Variants in CSMD1 observed in about 807,000 individuals in gnomAD.
CSMD1 encodes the protein CUB and Sushi multiple domains 1.
CSMD1 carries 213 observed loss-of-function variants against 417.5 expected under a neutral mutation model. That is an observed-to-expected ratio of 0.51 (90% CI 0.46 to 0.57). CSMD1 has a LOEUF of 0.57. Ranked by LOEUF, CSMD1 falls within the 20% of genes least tolerant of loss-of-function variation. The pLI is 0.00. For missense variants in CSMD1, 6,923 were observed against 4,529.7 expected (o/e 1.53, Z -15.17); for synonymous variants, 2,862 against 1,736.8 (o/e 1.65, Z -16.11).
chr8:3,943,439 G>C (rs1430446999), intron 5 of CSMD1, among the ~76,000 whole-genome samples: 1 of 101,154 alleles, frequency 9.9e-6, no homozygotes, highest in Non-Finnish European at 2.1e-5. Flanking sequence ...AAAAAAAACA[G>C]AATTCCAGCA....
intron 49 of CSMD1, among the ~76,000 whole-genome samples, chr8:3,060,151 C>CTTTTTT (rs34354746): frequency 7.1e-6 from 1 of 140,080 alleles, no homozygotes; most frequent in Non-Finnish European, 1.5e-5. Context: ...TTACTAACAA[C>CTTTTTT]TTTTTTTTTT....
rs543748565 is a variant in CSMD1 at position 4,814,276 on chromosome 8, G to T, written c.86-176718C>A. On this transcript the variant is annotated intron_variant, in intron 1 of 69. Coordinates refer to ENST00000635120, the MANE Select transcript of CSMD1 (RefSeq NM_033225.6). ...TGTGTGTGGTGGGGGATGGAGATTC[G>T]CTCTTAATGGCCAGGCTGGAGCGCA... Among the ~76,000 whole-genome samples, 129 of 152,014 alleles carry T rather than the reference G, an allele frequency of 8.5e-4. 1 individual carries two copies. The highest frequency in any genetic ancestry group is 2.1e-4 in the Non-Finnish European group (14 of 67,984).
At chr8:4,062,445 G>T (rs1585231805) in intron 3 of CSMD1, among the ~76,000 whole-genome samples, 1 of 152,064 alleles carries the variant, frequency 6.6e-6, no homozygotes, top group African/African-American at 2.4e-5. Flanking sequence ...AAGAATCTCA[G>T]ATATCTGACA....
chr8:4,904,513 C>A (rs533106100), intron 1 of CSMD1, among the ~76,000 whole-genome samples: 82 of 152,104 alleles, frequency 5.4e-4, no homozygotes, highest in Non-Finnish European at 9.1e-4. Context: ...GAGCCTACTA[C>A]CCTTTCCAGG....
At chr8:4,944,959 G>A (rs550724750) in intron 1 of CSMD1, among the ~76,000 whole-genome samples, 1 of 152,200 alleles carries the variant, frequency 6.6e-6, no homozygotes, top group African/African-American at 2.4e-5. Flanking sequence ...ATGTCCACGT[G>A]TGTATCAGAG....
intron 2 of CSMD1, among the ~76,000 whole-genome samples, chr8:4,497,938 A>G (rs1297756430): frequency 2.6e-5 from 4 of 152,168 alleles, no homozygotes; most frequent in African/African-American, 9.7e-5. Context: ...CAGACCTGCA[A>G]CTGCCCGTGG....
At chr8:4,662,084 G>A (rs1804642931) in intron 1 of CSMD1, among the ~76,000 whole-genome samples, 1 of 151,944 alleles carries the variant, frequency 6.6e-6, no homozygotes, top group South Asian at 2.1e-4. Flanking sequence ...TAAAAATTTG[G>A]GACTAGAGAA....
At chr8:3,138,584 T>A (rs945442023) in intron 41 of CSMD1, among the ~76,000 whole-genome samples, 2 of 152,142 alleles carry the variant, frequency 1.3e-5, no homozygotes, top group African/African-American at 2.4e-5. Context: ...CTGGTCGGAG[T>A]ACTCAGACAT....
intron 3 of CSMD1, among the ~76,000 whole-genome samples, chr8:4,371,047 A>C (rs777433595): frequency 1.3e-5 from 2 of 151,302 alleles, no homozygotes; most frequent in Non-Finnish European, 3.0e-5. Flanking sequence ...TCTTTTGTGA[A>C]GGCTAATCAT....
intron 5 of CSMD1, among the ~76,000 whole-genome samples, chr8:3,814,446 G>T (rs749576056): frequency 6.6e-6 from 1 of 152,146 alleles, no homozygotes; most frequent in Non-Finnish European, 1.5e-5. Flanking sequence ...TGACAGAATT[G>T]TCATGAAATA....
intron 28 of CSMD1, among the ~76,000 whole-genome samples, chr8:3,221,307 C>G (rs1319575532): frequency 2.6e-5 from 4 of 152,158 alleles, no homozygotes; most frequent in East Asian, 1.9e-4. Context: ...GACAAGTTCA[C>G]TGACGTCAGG....
intron 62 of CSMD1, among the ~76,000 whole-genome samples, chr8:2,959,038 G>C (rs1005899828): frequency 1.4e-4 from 21 of 152,184 alleles, no homozygotes; most frequent in African/African-American, 5.1e-4. Flanking sequence ...CAAATCAATA[G>C]CTAATTTAAG....
In CSMD1 at chr8:3,230,159, G is replaced by T. The variant is rs1161472278; in HGVS notation, c.4226C>A (p.Ala1409Asp). 1 of 1,613,648 alleles carries T rather than the reference G, an allele frequency of 6.2e-7. No individual in the cohort carries two copies. The highest frequency in any genetic ancestry group is 8.5e-7 in the Non-Finnish European group (1 of 1,179,742). Residue 1409 changes from alanine to aspartate, a missense_variant, in exon 27 of 70, where the codon GCT becomes GAT. Physicochemically the swap from Ala to Asp is moderately radical, Grantham distance 126. Transcript: ENST00000635120. ...ACACTGGAATGTGACGGTGTCTCCA[G>T]CCTCTCTGCTGTCTCCATAGCGGGT... ...NGTRYGDSRE[A>D]GDTVTFQCDP... is the part of the protein sequence containing the mutation.
At chr8:4,018,491 G>A (rs1375074116) in intron 4 of CSMD1, among the ~76,000 whole-genome samples, 1 of 152,150 alleles carries the variant, frequency 6.6e-6, no homozygotes, top group Non-Finnish European at 1.5e-5. Flanking sequence ...AGCAGGTGGA[G>A]GAAGGGGAGG....
At chr8:4,389,590 C>T (rs940634926) in intron 3 of CSMD1, among the ~76,000 whole-genome samples, 1 of 152,094 alleles carries the variant, frequency 6.6e-6, no homozygotes, top group Non-Finnish European at 1.5e-5. Flanking sequence ...AGAAATAAAA[C>T]ATTTCAAGTG....
chr8:4,229,260 G>A (rs1202395440), intron 3 of CSMD1, among the ~76,000 whole-genome samples: 1 of 152,184 alleles, frequency 6.6e-6, no homozygotes, highest in Non-Finnish European at 1.5e-5. Context: ...ACGCTGAGAT[G>A]CTGAGCAATC....
chr8:4,371,446 A>G (rs1045706306), intron 3 of CSMD1, among the ~76,000 whole-genome samples: 1 of 152,186 alleles, frequency 6.6e-6, no homozygotes, highest in African/African-American at 2.4e-5. Flanking sequence ...GAGGAAATGG[A>G]GCAGAGGGCA....
chr8:3,924,369 C>T (rs780759514), intron 5 of CSMD1, among the ~76,000 whole-genome samples: 67 of 152,258 alleles, frequency 4.4e-4, no homozygotes, highest in Non-Finnish European at 7.4e-4. Flanking sequence ...GCTCAAGCTG[C>T]ATTTAATTCA....
intron 37 of CSMD1, among the ~76,000 whole-genome samples, chr8:3,180,316 C>T (rs1423694487): frequency 6.6e-6 from 1 of 152,148 alleles, no homozygotes; most frequent in African/African-American, 2.4e-5. Flanking sequence ...ATGCCTTCCT[C>T]CAATTAAAAT....
Sources: allele counts gnomAD v4.1 joint callset (sites outside exome capture counted in the v4.1 genomes callset), GRCh38; gene constraint gnomAD v4.1.1; transcripts MANE v1.5; gene names NCBI Gene and HGNC (gene_info 2026-07-23, HGNC 2026-07-21).